The following RGS3 variants were observed in gnomAD, a reference collection of about 807,000 sequenced individuals.
RGS3 encodes the protein regulator of G protein signaling 3.
Under a neutral mutation model 132.6 loss-of-function variants are expected in RGS3, and 80 were observed. The ratio of observed to expected loss-of-function variants is 0.60; its 90% confidence interval spans 0.50 to 0.73. The LOEUF (loss-of-function observed/expected upper bound fraction) is 0.73, where lower values mean the gene tolerates loss of function less well. RGS3 is among the 30% of genes least tolerant of loss of function. The probability of loss-of-function intolerance (pLI) is 0.00; values close to 1 mark genes in which losing one functional copy is unlikely to be tolerated. For synonymous variants in RGS3, 598 were observed against 620.6 expected, an observed-to-expected ratio of 0.96 and a Z score of 0.54; for missense variants, 1,382 against 1,530.8, an observed-to-expected ratio of 0.90 and a Z score of 1.62.
At chr9:113,581,675 A>C (rs565788781) in intron 19 of RGS3, 1 of 152,362 alleles carries the variant, frequency 6.6e-6, no homozygotes, top group East Asian at 1.9e-4. Context: ...GACTGGCTCT[A>C]CCTGACACCT....
At chr9:113,553,092 CTA>C (rs1322299281) in intron 19 of RGS3, among the ~76,000 whole-genome samples, 2 of 151,870 alleles carry the variant, frequency 1.3e-5, no homozygotes, top group African/African-American at 4.8e-5. Flanking sequence ...TAGACATATG[CTA>C]TGTTTTGTTT....
intron 19 of RGS3, among the ~76,000 whole-genome samples, chr9:113,570,647 G>A (rs893229152): frequency 4.0e-4 from 60 of 151,826 alleles, no homozygotes; most frequent in African/African-American, 1.4e-3. Context: ...AGGTAACCCC[G>A]TCCTGACTTC....
At chr9:113,485,467 A>T (rs1051291218) in intron 6 of RGS3, among the ~76,000 whole-genome samples, 158 bp from the exon 5 acceptor site, 5 of 152,202 alleles carry the variant, frequency 3.3e-5, no homozygotes, top group African/African-American at 1.2e-4. Flanking sequence ...TGTTTTATGC[A>T]TGGAGGTAGT....
In RGS3 at chr9:113,591,341, G is replaced by A. The variant is rs376061667; in HGVS notation, c.3024G>A (p.Gly1008=). ...CTGTCTTCTCTCCGCAGATGAGCGG[G>A]GCTGACACCGTTGGGGATGATGACG... is the stretch of plus-strand genomic sequence containing the variant. The change falls in exon 21 of 25, where the codon GGG becomes GGA. Residue 1008 remains glycine (G), a synonymous_variant. Transcript: ENST00000350696. This position sits in a 1 kb window ranked among gnomAD's most constrained non-coding sequence, Gnocchi z 4.4. 1.9e-6 allele frequency: 3 copies of A among 1,613,640 alleles called. No homozygotes were observed. In the South Asian group the frequency reaches 3.3e-5, roughly 18 times the overall value.
Position 113,565,379 on chromosome 9 carries a change from C to T in RGS3, c.2038-18071C>T, listed in dbSNP as rs777123390. 21 of 1,288,644 alleles carry T rather than the reference C, an allele frequency of 1.6e-5. No homozygotes were observed. The highest frequency in any genetic ancestry group is 2.2e-4 in the Middle Eastern group (1 of 4,640). 79.8% of individuals were successfully genotyped at this position (1,288,644 alleles called of 1,614,324 possible). On this transcript the variant is annotated intron_variant, in intron 19 of 24. Coordinates refer to ENST00000350696, the Ensembl canonical transcript of RGS3. The surrounding 1 kb of genome is among the most constrained non-coding windows in gnomAD (Gnocchi z 5.7). The stretch of plus-strand genomic sequence containing the variant: ...AGACAGGGTGTGTGTTTGGGAAAGG[C>T]GCTGGAGGAGGAGGAAGAGGAGGAG...
chr9:113,450,720 A>T, intron 1 of RGS3, among the ~76,000 whole-genome samples: 1 of 152,206 alleles, frequency 6.6e-6, no homozygotes, highest in African/African-American at 2.4e-5. Context: ...CCAGGAACAC[A>T]CAAGAAGGTA....
intron 14 of RGS3, among the ~76,000 whole-genome samples, chr9:113,511,598 C>T (rs758151628): frequency 3.3e-5 from 5 of 152,068 alleles, no homozygotes; most frequent in South Asian, 2.1e-4. Flanking sequence ...GGGGCTGAGC[C>T]GACTTTTCCT....
At chr9:113,549,829 T>C (rs1349352778) in intron 19 of RGS3, among the ~76,000 whole-genome samples, 2 of 152,044 alleles carry the variant, frequency 1.3e-5, no homozygotes, top group Non-Finnish European at 2.9e-5. Flanking sequence ...TAAGTAATCT[T>C]CAGTTGTTTA....
intron 19 of RGS3, among the ~76,000 whole-genome samples, chr9:113,573,073 C>G (rs1463149430): frequency 6.6e-6 from 1 of 152,178 alleles, no homozygotes; most frequent in Non-Finnish European, 1.5e-5. Flanking sequence ...CTAAGCCCTC[C>G]CCACAGAGCT....
At chr9:113,476,624 T>C (rs1473276925) in intron 3 of RGS3, among the ~76,000 whole-genome samples, 31 of 152,196 alleles carry the variant, frequency 2.0e-4, no homozygotes, top group Admixed American at 1.8e-3. Context: ...TGGTGCAAAC[T>C]CATCTCAATC....
At chr9:113,534,464 A>G (rs1832600533) in intron 18 of RGS3, among the ~76,000 whole-genome samples, 1 of 152,208 alleles carries the variant, frequency 6.6e-6, no homozygotes, top group African/African-American at 2.4e-5. Context: ...AATATAACCT[A>G]TACACATCCT....
At chr9:113,530,110 C>G (rs535163019) in intron 18 of RGS3, among the ~76,000 whole-genome samples, 1 of 152,356 alleles carries the variant, frequency 6.6e-6, no homozygotes, top group South Asian at 2.1e-4. Flanking sequence ...ATGCAACAGT[C>G]CAGGGAACCT....
intron 7 of RGS3, among the ~76,000 whole-genome samples, chr9:113,489,122 A>G (rs1315813915): frequency 6.6e-6 from 1 of 152,240 alleles, no homozygotes; most frequent in Non-Finnish European, 1.5e-5. Context: ...TCTTCAGAGA[A>G]GAGGAAACTG....
chr9:113,581,937 G>A, intron 19 of RGS3: 2 of 743,096 alleles, frequency 2.7e-6, no homozygotes, highest in Non-Finnish European at 3.3e-6. Flanking sequence ...GATCACGCTA[G>A]AGTCCTCCAA....
intron 1 of RGS3, among the ~76,000 whole-genome samples, chr9:113,447,329 G>GTATATGTATATATATATATATATATATA (rs1554751011): frequency 3.6e-5 from 1 of 27,534 alleles, no homozygotes; most frequent in African/African-American, 9.8e-5. Flanking sequence ...GTATGTATAT[G>GTATATGTATATATATATATATATATATA]TATATATATA....
chr9:113,536,132 C>T (rs951518994), intron 18 of RGS3, among the ~76,000 whole-genome samples: 5 of 152,176 alleles, frequency 3.3e-5, no homozygotes, highest in Non-Finnish European at 5.9e-5. Context: ...GGTTGAATAG[C>T]GAAGCGGGAC....
At chr9:113,449,600 G>C (rs772521005) in intron 1 of RGS3, among the ~76,000 whole-genome samples, 5 of 152,066 alleles carry the variant, frequency 3.3e-5, no homozygotes, top group Non-Finnish European at 5.9e-5. Context: ...TCAAGTTGCT[G>C]TTCCTCATTT....
At chr9:113,548,402 TG>T (rs1314927363) in intron 19 of RGS3, among the ~76,000 whole-genome samples, 1 of 152,236 alleles carries the variant, frequency 6.6e-6, no homozygotes, top group Non-Finnish European at 1.5e-5. Context: ...CTGGCTTATC[TG>T]TAAATTCCTG....
At chr9:113,450,054 T>C (rs977288334) in intron 1 of RGS3, among the ~76,000 whole-genome samples, 66 of 149,008 alleles carry the variant, frequency 4.4e-4, no homozygotes, top group African/African-American at 1.6e-3. Context: ...CAGATTTTGC[T>C]TTTTATTTTT....
Sources: allele counts gnomAD v4.1 joint callset (sites outside exome capture counted in the v4.1 genomes callset), GRCh38; gene constraint gnomAD v4.1.1; non-coding constraint Gnocchi (gnomAD v3.1); transcripts MANE v1.5; gene names NCBI Gene and HGNC (gene_info 2026-07-23, HGNC 2026-07-21).